CATSPERE: variants seen among roughly 807,000 people sequenced by gnomAD.
CATSPERE encodes the protein cation channel sperm-associated auxiliary subunit epsilon.
CATSPERE carries 93 observed loss-of-function variants against 114.1 expected under a neutral mutation model. The observed-to-expected ratio is 0.81, with a 90% CI of 0.69 to 0.97. The LOEUF is 0.97. CATSPERE is among the 50% of genes least tolerant of loss of function. CATSPERE has a pLI of 0.00. For synonymous variants in CATSPERE, 341 were observed against 384.1 expected (o/e 0.89, Z 1.31); for missense variants, 1,058 against 1,131.6 (o/e 0.93, Z 0.93).
intron 7 of CATSPERE, among the ~76,000 whole-genome samples, chr1:244,516,826 A>AAACCC (rs1676723681): frequency 6.6e-6 from 1 of 152,060 alleles, no homozygotes; most frequent in Non-Finnish European, 1.5e-5. Flanking sequence ...CCCAGCCTAA[A>AAACCC]AGAGTTTTTA....
At chr1:244,588,182 A>C (rs1285019915) in intron 13 of CATSPERE, among the ~76,000 whole-genome samples, 1 of 123,178 alleles carries the variant, frequency 8.1e-6, no homozygotes, top group Non-Finnish European at 1.7e-5. Flanking sequence ...CGACAGAACA[A>C]GACTTCATCT....
chr1:244,580,321 C>T (rs1665980827), intron 11 of CATSPERE, among the ~76,000 whole-genome samples: 2 of 148,122 alleles, frequency 1.4e-5, no homozygotes, highest in African/African-American at 5.0e-5. Flanking sequence ...TTTTTCTTAA[C>T]ATTTAACATC....
At chr1:244,453,484 AC>A (rs1201085763), upstream of CATSPERE, among the ~76,000 whole-genome samples, 1 of 152,152 alleles carries the variant, frequency 6.6e-6, no homozygotes, top group Non-Finnish European at 1.5e-5. Flanking sequence ...GACAAGGTGA[AC>A]CCCTTGGGCG....
chr1:244,505,086 G>T (rs1335897668), intron 7 of CATSPERE, among the ~76,000 whole-genome samples: 6 of 152,116 alleles, frequency 3.9e-5, no homozygotes, highest in African/African-American at 1.4e-4. Flanking sequence ...TTTATTGGGA[G>T]CTCTTTCAGT....
chr1:244,502,351 A>G (rs1309894788), intron 7 of CATSPERE, among the ~76,000 whole-genome samples: 1 of 152,134 alleles, frequency 6.6e-6, no homozygotes, highest in East Asian at 1.9e-4. Flanking sequence ...TATTTTTAAT[A>G]TGTGTCTTAT....
At position 244,513,120 on chromosome 1, in the gene CATSPERE, G is replaced by A. The variant is rs1361017127; in HGVS notation, c.430-5472G>A. On this transcript the variant is annotated intron_variant, in intron 7 of 21. Transcript: ENST00000366534. ...AGTGGGCCAGATGGGTGTCAGGTCC[G>A]CAGGCCCCTTGGCAGCATTCATTGC... 3.9e-5 allele frequency among the ~76,000 whole-genome samples: 6 copies of A among 152,032 alleles called. No homozygotes were observed. In the South Asian group the frequency reaches 6.2e-4, roughly 16 times the overall value.
chr1:244,581,837 TG>T lies in CATSPERE; in HGVS notation c.1993del (p.Asp665IlefsTer28). On this transcript the variant is annotated frameshift_variant, in exon 12 of 22. Transcript: ENST00000366534. LOFTEE classifies it high-confidence loss of function. The part of the protein sequence containing the change: ...YQNVDYERIS[D>X]YFETQDKHTG... ...AGAATGTAGATTATGAGAGAATATC[TG>T]ATTACTTTGAGACACAGTAAGTATA... 1 of 1,316,884 alleles carries T rather than the reference TG, an allele frequency of 7.6e-7. No homozygotes were observed. The highest frequency in any genetic ancestry group is 1.3e-5 in the South Asian group (1 of 79,168). The allele number at this position is 1,316,884 out of a possible 1,614,324, so 81.6% of individuals were successfully genotyped here. A position where few individuals can be genotyped will look rare whatever the true frequency, so the allele number is the denominator to read the frequency against.
intron 4 of CATSPERE, 89 bp from the exon 5 acceptor site, chr1:244,479,628 T>G (rs1669939165): frequency 3.0e-6 from 2 of 671,768 alleles, no homozygotes; most frequent in African/African-American, 1.8e-5. Context: ...GATAAGTAAC[T>G]TACTTCCTCT....
At chr1:244,561,727 G>A (rs1053101523) in intron 10 of CATSPERE, among the ~76,000 whole-genome samples, 3 of 152,110 alleles carry the variant, frequency 2.0e-5, no homozygotes, top group South Asian at 2.1e-4. Context: ...TACCCAGTTT[G>A]AATGTTGTAC....
chr1:244,564,677 A>G (rs1193196397), intron 10 of CATSPERE, among the ~76,000 whole-genome samples: 1 of 152,192 alleles, frequency 6.6e-6, no homozygotes, highest in Non-Finnish European at 1.5e-5. Context: ...CAAATATACA[A>G]TCATGTCATC....
intron 2 of CATSPERE, among the ~76,000 whole-genome samples, chr1:244,468,244 C>T (rs1667929910): frequency 6.6e-6 from 1 of 151,948 alleles, no homozygotes; most frequent in Non-Finnish European, 1.5e-5. Flanking sequence ...AGGTGTGTGC[C>T]ACCACGCCCG....
chr1:244,462,242 G>A (rs541555477), intron 1 of CATSPERE, among the ~76,000 whole-genome samples: 1 of 152,154 alleles, frequency 6.6e-6, no homozygotes, highest in South Asian at 2.1e-4. Flanking sequence ...TTAAAAAATA[G>A]CACATGTCCA....
intron 8 of CATSPERE, among the ~76,000 whole-genome samples, chr1:244,547,522 C>A (rs1269026972): frequency 1.3e-5 from 2 of 151,880 alleles, no homozygotes; most frequent in East Asian, 1.9e-4. Flanking sequence ...AAGGTATATG[C>A]AATATAAAAA....
chr1:244,565,767 G>A (rs529937519), intron 10 of CATSPERE, among the ~76,000 whole-genome samples: 1 of 151,804 alleles, frequency 6.6e-6, no homozygotes, highest in East Asian at 1.9e-4. Context: ...AAGATTCATA[G>A]ATTCTTTTCA....
intron 11 of CATSPERE, among the ~76,000 whole-genome samples, chr1:244,576,599 C>T (rs1299492674): frequency 3.3e-5 from 5 of 151,766 alleles, no homozygotes; most frequent in African/African-American, 1.2e-4. Flanking sequence ...AAACATTTTA[C>T]TTATAACAAT....
At chr1:244,614,415 C>T (rs540719094) in intron 19 of CATSPERE, among the ~76,000 whole-genome samples, 5 of 152,302 alleles carry the variant, frequency 3.3e-5, no homozygotes, top group South Asian at 2.1e-4. Flanking sequence ...GAATCTATGA[C>T]AAGCCTGTTT....
chr1:244,582,610 C>T (rs563589536), intron 12 of CATSPERE, among the ~76,000 whole-genome samples: 1 of 152,136 alleles, frequency 6.6e-6, no homozygotes, highest in Non-Finnish European at 1.5e-5. Context: ...CCATGTTGGT[C>T]AGGCTGGTCT....
chr1:244,489,449 GATTTTTTTT>G (rs1296464112), intron 5 of CATSPERE, among the ~76,000 whole-genome samples: 2 of 87,348 alleles, frequency 2.3e-5, no homozygotes, highest in East Asian at 3.2e-4. Flanking sequence ...GAAGCATGCA[GATTTTTTTT>G]TTTTTTTTTT....
intron 8 of CATSPERE, among the ~76,000 whole-genome samples, chr1:244,519,554 T>C (rs1314007844): frequency 2.6e-5 from 4 of 152,136 alleles, no homozygotes; most frequent in Non-Finnish European, 5.9e-5. Flanking sequence ...AGCTGTGCAC[T>C]TGAAGTTCAT....
Sources: allele counts gnomAD v4.1 joint callset (sites outside exome capture counted in the v4.1 genomes callset), GRCh38; gene constraint gnomAD v4.1.1; transcripts MANE v1.5; gene names NCBI Gene and HGNC (gene_info 2026-07-23, HGNC 2026-07-21).